The following DEUP1 variants were observed in gnomAD, a reference collection of about 807,000 sequenced individuals.
DEUP1 encodes the protein deuterosome assembly protein 1, also known as coiled-coil domain containing 67.
DEUP1 carries 82 observed loss-of-function variants against 87.4 expected under a neutral mutation model. That is an observed-to-expected ratio of 0.94 (90% confidence interval 0.78 to 1.13). The LOEUF is 1.13. Among genes scored for constraint, DEUP1 ranks in the 50% most tolerant of loss-of-function variants. The pLI is 0.00. For missense variants in DEUP1, 663 were observed against 681.5 expected (o/e 0.97, Z 0.30); for synonymous variants, 214 against 222.7 (o/e 0.96, Z 0.35).
intron 11 of DEUP1, among the ~76,000 whole-genome samples, chr11:93,404,856 GA>G (rs1362160854): frequency 6.6e-6 from 1 of 151,880 alleles, no homozygotes; most frequent in Non-Finnish European, 1.5e-5. Flanking sequence ...ATGCATTTAA[GA>G]AAAATATTAA....
At chr11:93,398,898 T>G (rs898192015) in intron 11 of DEUP1, among the ~76,000 whole-genome samples, 1 of 151,942 alleles carries the variant, frequency 6.6e-6, no homozygotes, top group African/African-American at 2.4e-5. Flanking sequence ...TTTTTATATA[T>G]TTTTAGTAGA....
chr11:93,368,158 G>A (rs1396647914), intron 5 of DEUP1, among the ~76,000 whole-genome samples: 1 of 152,202 alleles, frequency 6.6e-6, no homozygotes, highest in African/African-American at 2.4e-5. Context: ...TTATCAACCT[G>A]CTTCTACCAT....
chr11:93,347,744 T>G (rs186286072), intron 2 of DEUP1, among the ~76,000 whole-genome samples: 2 of 151,990 alleles, frequency 1.3e-5, no homozygotes, highest in Admixed American at 1.3e-4. Flanking sequence ...TTGTTTTTTG[T>G]TTTTTCGTTT....
At chr11:93,436,960 G>C (rs1404551454) in intron 13 of DEUP1, among the ~76,000 whole-genome samples, 1 of 151,970 alleles carries the variant, frequency 6.6e-6, no homozygotes, top group Non-Finnish European at 1.5e-5. Context: ...CACCATGAAG[G>C]GTGGAATTGG....
chr11:93,378,681 G>T (rs556838467), intron 7 of DEUP1, among the ~76,000 whole-genome samples: 1 of 150,732 alleles, frequency 6.6e-6, no homozygotes, highest in East Asian at 1.9e-4. Flanking sequence ...TTGTTTTTCT[G>T]GTTCCTTCTT....
rs761466399 is a variant in DEUP1, at chr11:93,370,177, TCAGTTTCAGGTAAG to T, written c.538_546+5del. On this transcript the variant is annotated splice_donor_variant and splice_donor_5th_base_variant and coding_sequence_variant and intron_variant, in exon 6 of 14. Coordinates refer to ENST00000298050, the MANE Select transcript of DEUP1 (RefSeq NM_181645.4). LOFTEE classifies it high-confidence loss of function. ...AAAAATTATTATCTGAGAAGTGTAA[TCAGTTTCAGGTAAG>T]TTATCTAATACTATTCTCTAAATCA... The T allele has an allele frequency of 5.3e-4, 807 of 1,532,166 alleles. No homozygotes were observed. Among genetic ancestry groups the T allele is most frequent in the Non-Finnish European group, 5.5e-4 (615 of 1,111,032 alleles). 94.9% of individuals were successfully genotyped at this position (1,532,166 alleles called of 1,614,324 possible).
intron 1 of DEUP1, among the ~76,000 whole-genome samples, chr11:93,331,366 C>CTT (rs35351033): frequency 0.038 from 5,537 of 145,118 alleles, 247 homozygotes; most frequent in African/African-American, 0.11. Flanking sequence ...CTGAGAAAAA[C>CTT]TTTTTTTTTT....
intron 8 of DEUP1, among the ~76,000 whole-genome samples, chr11:93,388,068 ATCTAG>A (rs1946645450): frequency 6.6e-6 from 1 of 152,120 alleles, no homozygotes; most frequent in Admixed American, 6.5e-5. Context: ...AAAAAAAGCA[ATCTAG>A]TCTAGATACA....
At chr11:93,388,187 TTTTA>T (rs1231932846) in intron 8 of DEUP1, among the ~76,000 whole-genome samples, 1 of 152,136 alleles carries the variant, frequency 6.6e-6, no homozygotes, top group Non-Finnish European at 1.5e-5. Context: ...TATTTGGGTT[TTTTA>T]TTTGTGTGGT....
At chr11:93,429,786 T>C (rs1170754496) in intron 13 of DEUP1, among the ~76,000 whole-genome samples, 2 of 152,174 alleles carry the variant, frequency 1.3e-5, no homozygotes, top group Non-Finnish European at 2.9e-5. Flanking sequence ...TTTAATAACA[T>C]GGGGCTTCCT....
intron 11 of DEUP1, among the ~76,000 whole-genome samples, chr11:93,396,877 G>T (rs1468497897): frequency 1.3e-5 from 2 of 152,148 alleles, no homozygotes; most frequent in Non-Finnish European, 2.9e-5. Flanking sequence ...AATTATTCAG[G>T]ATAAGGACTA....
At chr11:93,335,352 A>G (rs543607848) in intron 2 of DEUP1, among the ~76,000 whole-genome samples, 4 of 152,222 alleles carry the variant, frequency 2.6e-5, no homozygotes, top group Non-Finnish European at 4.4e-5. Context: ...ATTTGAAAAC[A>G]CATGTATGTT....
chr11:93,333,315 C>T (rs1943581488), intron 2 of DEUP1, among the ~76,000 whole-genome samples: 2 of 152,148 alleles, frequency 1.3e-5, no homozygotes, highest in African/African-American at 4.8e-5. Context: ...GGCAACTCTG[C>T]CATCTTCATT....
At chr11:93,333,271 C>T (rs550916906) in intron 2 of DEUP1, among the ~76,000 whole-genome samples, 39 of 152,228 alleles carry the variant, frequency 2.6e-4, no homozygotes, top group African/African-American at 6.5e-4. Flanking sequence ...ACAGGTGCTG[C>T]GCTCACCCAA....
chr11:93,362,175 G>A lies in DEUP1; in HGVS notation c.298-1985G>A, dbSNP rs544400906. Reference sequence around the variant, plus strand: ...GATTAGGCAATGGTTTCTTAGATATGGCATCAAAAGGACAAGCAACAAAAA... The same window carrying A: ...GATTAGGCAATGGTTTCTTAGATATAGCATCAAAAGGACAAGCAACAAAAA... On this transcript the variant is annotated intron_variant, in intron 4 of 13. Transcript: ENST00000298050. Among the ~76,000 whole-genome samples the A allele has an allele frequency of 1.3e-3, 193 of 152,030 alleles. 1 individual carries two copies. Among genetic ancestry groups the A allele is most frequent in the African/African-American group, 4.4e-3 (184 of 41,518 alleles).
intron 11 of DEUP1, among the ~76,000 whole-genome samples, chr11:93,397,373 AT>A (rs1667485504): frequency 6.6e-6 from 1 of 152,100 alleles, no homozygotes. Flanking sequence ...TGATTTTCCT[AT>A]TTGTTACATT....
intron 7 of DEUP1, among the ~76,000 whole-genome samples, chr11:93,379,128 C>A (rs974857518): frequency 6.6e-6 from 1 of 152,164 alleles, no homozygotes; most frequent in African/African-American, 2.4e-5. Context: ...CTTTTAATAT[C>A]CCCAAAAATA....
At position 93,437,656 on chromosome 11, in the gene DEUP1, G is replaced by T. The variant is rs371605464; in HGVS notation, c.1752G>T (p.Leu584=). ...EKLLNTHIDE[L]QRHTEFTLNK... ...TTCTAAATACACATATTGATGAACT[G>T]CAAAGACACACAGAATTTACTCTTA... The change falls in exon 14 of 14, where the codon CTG becomes CTT. Residue 584 remains leucine (L), a synonymous_variant. Coordinates refer to ENST00000298050, the MANE Select transcript of DEUP1 (RefSeq NM_181645.4). 6 of 1,608,406 alleles carry T rather than the reference G, an allele frequency of 3.7e-6. No homozygotes were observed. The East Asian group carries it at 8.9e-5, about 24-fold the overall frequency.
intron 12 of DEUP1, among the ~76,000 whole-genome samples, chr11:93,409,584 T>G (rs919033586): frequency 6.6e-6 from 1 of 152,190 alleles, no homozygotes; most frequent in Non-Finnish European, 1.5e-5. Flanking sequence ...CATTTCATAG[T>G]GCCAAGAAAC....
Sources: gnomAD v4.1 joint callset for allele counts (sites outside exome capture counted in the v4.1 genomes callset) on GRCh38, gnomAD v4.1.1 for gene constraint, MANE v1.5 for transcripts, NCBI Gene and HGNC (gene_info 2026-07-23, HGNC 2026-07-21) for gene names.